CEP350: variants seen among roughly 807,000 people sequenced by gnomAD.
CEP350 encodes the protein centrosome-associated protein 350.
A neutral mutation model predicts 331.8 loss-of-function variants in CEP350; 126 were observed. The observed-to-expected ratio is 0.38, with a 90% confidence interval of 0.33 to 0.44. The LOEUF (loss-of-function observed/expected upper bound fraction) is 0.44, where lower values mean the gene tolerates loss of function less well. CEP350 is among the 20% of genes least tolerant of loss of function. CEP350 has a pLI of 1.00. For missense variants in CEP350, 3,406 were observed against 3,634.6 expected, an observed-to-expected ratio of 0.94 and a Z score of 1.62; for synonymous variants, 1,200 against 1,259.5, an observed-to-expected ratio of 0.95 and a Z score of 1.00.
chr1:180,046,327 A>G (rs977336059), intron 21 of CEP350, among the ~76,000 whole-genome samples: 2 of 152,206 alleles, frequency 1.3e-5, no homozygotes, highest in Non-Finnish European at 2.9e-5. Context: ...TATAAATGGC[A>G]TCATTACAGT....
rs373436336 is a variant in CEP350, at chr1:180,020,749, G to A, written c.2975G>A (p.Ser992Asn). 116 of 1,613,930 alleles carry A rather than the reference G, an allele frequency of 7.2e-5. No homozygotes were observed. The highest frequency in any genetic ancestry group is 9.3e-5 in the Non-Finnish European group (110 of 1,179,918). Residue 992 changes from serine to asparagine, a missense_variant, in exon 12 of 38, where the codon AGT becomes AAT. Transcript: ENST00000367607. ...GAAGGGCCTCTTCTTAGTGAGGGGA[G>A]TCTCTCTGAAGAAGAGGGAGACCAG... is the stretch of plus-strand genomic sequence containing the variant. ...VSEGPLLSEG[S>N]LSEEEGDQDG...
At chr1:180,026,700 A>T (rs1310635614) in intron 14 of CEP350, among the ~76,000 whole-genome samples, 7 of 152,206 alleles carry the variant, frequency 4.6e-5, no homozygotes, top group Admixed American at 1.3e-4. Flanking sequence ...CGTACTTCAT[A>T]TAAGTGGAAT....
At chr1:179,990,064 C>A (rs1211148785) in intron 3 of CEP350, among the ~76,000 whole-genome samples, 2 of 151,954 alleles carry the variant, frequency 1.3e-5, no homozygotes, top group Non-Finnish European at 1.5e-5. Context: ...TGGCGCACGC[C>A]TGTAATCCCA....
At chr1:180,098,283 TA>T (rs1660604311) in intron 36 of CEP350, among the ~76,000 whole-genome samples, 1 of 152,200 alleles carries the variant, frequency 6.6e-6, no homozygotes, top group Non-Finnish European at 1.5e-5. Context: ...AGTTCTTAAG[TA>T]AACTCTAAAG....
intron 1 of CEP350, among the ~76,000 whole-genome samples, chr1:179,985,109 T>G (rs889853458): frequency 6.6e-6 from 1 of 152,178 alleles, no homozygotes; most frequent in Non-Finnish European, 1.5e-5. Flanking sequence ...TTTCCAGATT[T>G]CTTTTCATTT....
intron 1 of CEP350, among the ~76,000 whole-genome samples, chr1:179,984,521 CT>C (rs968826582): frequency 6.6e-6 from 1 of 152,180 alleles, no homozygotes; most frequent in African/African-American, 2.4e-5. Flanking sequence ...GACATGGCAC[CT>C]GTATCCAAAG....
chr1:180,035,563 C>G (rs1379694013), intron 16 of CEP350, among the ~76,000 whole-genome samples: 1 of 152,194 alleles, frequency 6.6e-6, no homozygotes, highest in Non-Finnish European at 1.5e-5. Context: ...TAAATCTACT[C>G]TGCCTGTGCT....
intron 1 of CEP350, among the ~76,000 whole-genome samples, chr1:179,984,291 C>T (rs74717893): frequency 0.03 from 4,586 of 152,286 alleles, 122 homozygotes; most frequent in South Asian, 0.071. Context: ...CTCACATTTT[C>T]TGTATGTAAG....
At chr1:180,073,946 G>T in intron 27 of CEP350, 1 of 1,301,252 alleles carries the variant, frequency 7.7e-7, no homozygotes, top group South Asian at 1.2e-5. Context: ...CTTTGATAGA[G>T]CATGCTCTGT....
At chr1:180,077,778 A>G (rs184168695) in intron 28 of CEP350, among the ~76,000 whole-genome samples, 2 of 151,962 alleles carry the variant, frequency 1.3e-5, no homozygotes, top group African/African-American at 2.4e-5. Flanking sequence ...TAGATTCAAG[A>G]CTATTTACAT....
At chr1:179,998,930 A>G (rs958160640) in intron 6 of CEP350, among the ~76,000 whole-genome samples, 2 of 152,208 alleles carry the variant, frequency 1.3e-5, no homozygotes, top group Non-Finnish European at 1.5e-5. Flanking sequence ...AAGAATTGCC[A>G]TTGTCCAATA....
rs552732849 is a variant in CEP350 at position 179,970,661 on chromosome 1, T to C, written c.-13-15508T>C. 2.6e-5 allele frequency among the ~76,000 whole-genome samples: 4 copies of C among 152,270 alleles called. No individual in the cohort carries two copies. In the South Asian group the frequency reaches 6.2e-4, roughly 24 times the overall value. On this transcript the variant is annotated intron_variant, in intron 1 of 37. Transcript: ENST00000367607. ...ATTTTTTTCATCTTTTGTCCCTTAA[T>C]GCCTGGCACTTAGTAGGAGGCCAAT... is the stretch of plus-strand genomic sequence containing the variant.
At chr1:180,095,967 T>G in intron 35 of CEP350, 37 bp downstream of exon 35, 1 of 1,570,386 alleles carries the variant, frequency 6.4e-7, no homozygotes, top group Non-Finnish European at 8.6e-7. Flanking sequence ...GTTTTTAAAC[T>G]TTTCTCCCAT....
rs1660282161 is a variant in CEP350, at chr1:180,092,911, G to A, written c.6806G>A (p.Ser2269Asn). The change falls in exon 34 of 38, where the codon AGT becomes AAT. Residue 2269 changes from serine to asparagine, a missense_variant. Ser to Asn is a conservative substitution (Grantham distance 46). Coordinates refer to ENST00000367607, the MANE Select transcript of CEP350 (RefSeq NM_014810.5). ...KEIEYTKLKK[S>N]KIEDAFSKEG... The stretch of plus-strand genomic sequence containing the variant: ...ATAGAGTATACAAAATTGAAGAAGA[G>A]TAAGATTGAAGATGCCTTTTCTAAA... The A allele has an allele frequency of 1.3e-6, 2 of 1,576,492 alleles. No homozygotes were observed. Among genetic ancestry groups the A allele is most frequent in the Non-Finnish European group, 1.7e-6 (2 of 1,159,266 alleles).
chr1:180,019,327 GTATTTATAGTTGCA>G (rs1655170613), intron 11 of CEP350, among the ~76,000 whole-genome samples: 1 of 152,190 alleles, frequency 6.6e-6, no homozygotes, highest in Middle Eastern at 3.4e-3. Flanking sequence ...CTGTATATTT[GTATTTATAGTTGCA>G]TATTTATAGT....
chr1:179,991,144 A>C (rs1015714721), intron 4 of CEP350, among the ~76,000 whole-genome samples: 2 of 151,360 alleles, frequency 1.3e-5, no homozygotes, highest in African/African-American at 2.4e-5. Context: ...TTTTTAATTC[A>C]CAGATATATA....
intron 1 of CEP350, among the ~76,000 whole-genome samples, chr1:179,977,897 CAATTT>C (rs1476121266): frequency 6.6e-6 from 1 of 150,878 alleles, no homozygotes; most frequent in African/African-American, 2.4e-5. Flanking sequence ...AGCTTTTGTT[CAATTT>C]AAATTTTTAT....
chr1:179,995,791 T>G (rs1299179219), intron 5 of CEP350, among the ~76,000 whole-genome samples: 1 of 152,246 alleles, frequency 6.6e-6, no homozygotes, highest in Admixed American at 6.5e-5. Flanking sequence ...TTACAAAGTT[T>G]GAAGCTGCCA....
At position 180,048,172 on chromosome 1, in the gene CEP350, G is replaced by T. The variant is rs553642861; in HGVS notation, c.4623-364G>T. On this transcript the variant is annotated intron_variant, in intron 21 of 37. Transcript: ENST00000367607. ...GAACAGTTTTAGTAGAGCAGTTGGG[G>T]TGGAAGCAGATTGTGATAAATCGTG... 2.6e-5 allele frequency among the ~76,000 whole-genome samples: 4 copies of T among 152,320 alleles called. No homozygotes were observed. In the East Asian group the frequency reaches 5.8e-4, roughly 22 times the overall value.
Sources: gnomAD v4.1 joint callset for allele counts (sites outside exome capture counted in the v4.1 genomes callset) on GRCh38, gnomAD v4.1.1 for gene constraint, MANE v1.5 for transcripts, NCBI Gene and HGNC (gene_info 2026-07-23, HGNC 2026-07-21) for gene names.